Variants in ANKRD13C observed in about 807,000 individuals in gnomAD.
The protein encoded by ANKRD13C is ankyrin repeat domain-containing protein 13C.
Under a neutral mutation model 65.5 loss-of-function variants are expected in ANKRD13C, and 16 were observed. The observed-to-expected ratio is 0.24, with a 90% CI of 0.17 to 0.37. The LOEUF (loss-of-function observed/expected upper bound fraction) is 0.37, where lower values mean the gene tolerates loss of function less well. Among genes scored for constraint, ANKRD13C ranks in the 10% least tolerant of loss-of-function variants. The pLI is 1.00. For missense variants in ANKRD13C, 503 were observed against 655.9 expected, an observed-to-expected ratio of 0.77 and a Z score of 2.55; for synonymous variants, 235 against 238.7, an observed-to-expected ratio of 0.98 and a Z score of 0.14.
intron 7 of ANKRD13C, 24 bp downstream of exon 7, chr1:70,300,740 A>C (rs763391204): frequency 4.0e-5 from 62 of 1,551,586 alleles, no homozygotes; most frequent in Non-Finnish European, 5.1e-5. Context: ...ATTTAAAGGA[A>C]TATTGATAAG....
chr1:70,311,005 G>A (rs1680823755), intron 5 of ANKRD13C, among the ~76,000 whole-genome samples: 1 of 152,152 alleles, frequency 6.6e-6, no homozygotes, highest in South Asian at 2.1e-4. Context: ...CATTAATAGA[G>A]ACAAACTAGC....
chr1:70,338,947 C>T (rs538124529), intron 1 of ANKRD13C, among the ~76,000 whole-genome samples: 2 of 152,118 alleles, frequency 1.3e-5, no homozygotes, highest in East Asian at 3.9e-4. Context: ...CTTGGCCGGG[C>T]GCGGTGGCTC....
rs769734272 is a variant in ANKRD13C, at chr1:70,315,487, C to T, written c.657G>A (p.Leu219=). 2 of 1,598,592 alleles carry T rather than the reference C, an allele frequency of 1.3e-6. No individual in the cohort carries two copies. The highest frequency in any genetic ancestry group is 2.3e-5 in the South Asian group (2 of 87,780). ...EEKRPRLLKA[L]KELGDFYLEL... is the part of the protein sequence containing the mutation. ...ACAAAGAAATATAGCTTACCTCTTTCAGGGCTTTTAATAATCGAGGTCGTT... is the reference window on the plus strand; with the variant it reads ...ACAAAGAAATATAGCTTACCTCTTTTAGGGCTTTTAATAATCGAGGTCGTT... Residue 219 remains leucine, a synonymous_variant, in exon 4 of 13, where the codon CTG becomes CTA. Coordinates refer to ENST00000370944, the MANE Select transcript of ANKRD13C (RefSeq NM_030816.5).
At chr1:70,325,755 T>C (rs1681507469) in intron 2 of ANKRD13C, among the ~76,000 whole-genome samples, 1 of 152,050 alleles carries the variant, frequency 6.6e-6, no homozygotes, top group Admixed American at 6.6e-5. Context: ...GGTACGTGCC[T>C]GTAGTCCCAG....
At chr1:70,288,052 G>T (rs930239973) in intron 9 of ANKRD13C, among the ~76,000 whole-genome samples, 6 of 151,848 alleles carry the variant, frequency 4.0e-5, no homozygotes, top group South Asian at 4.2e-4. Context: ...CAACAGTAAT[G>T]AAAAAAAGAA....
rs973141817 is a variant in ANKRD13C at position 70,261,853 on chromosome 1, T to C, written c.*864A>G. 2 of 152,294 alleles carry C rather than the reference T, an allele frequency of 1.3e-5. No individual in the cohort carries two copies. Among genetic ancestry groups the C allele is most frequent in the Admixed American group, 6.6e-5 (1 of 15,246 alleles). 9.4% of individuals were successfully genotyped at this position (152,294 alleles called of 1,614,324 possible). A position where few individuals can be genotyped will look rare whatever the true frequency, so the allele number is the denominator to read the frequency against. ...CTTATTAGGAAGCAAGTTTAAAAATTTGGATTTTTTTTTAAAGTGCTGAGA... is the reference window on the plus strand; with the variant it reads ...CTTATTAGGAAGCAAGTTTAAAAATCTGGATTTTTTTTTAAAGTGCTGAGA... On this transcript the variant is annotated 3_prime_UTR_variant, in exon 13 of 13. Coordinates refer to ENST00000370944, the MANE Select transcript of ANKRD13C (RefSeq NM_030816.5).
At chr1:70,318,539 A>G (rs1381781705) in intron 3 of ANKRD13C, among the ~76,000 whole-genome samples, 1 of 152,162 alleles carries the variant, frequency 6.6e-6, no homozygotes. Flanking sequence ...TAAAGACCAT[A>G]CTGCTCTTGC....
At chr1:70,341,496 G>C (rs1682309636) in intron 1 of ANKRD13C, among the ~76,000 whole-genome samples, 1 of 151,722 alleles carries the variant, frequency 6.6e-6, no homozygotes. Flanking sequence ...CAAGTAGCTG[G>C]GATTACAGGC....
At chr1:70,318,859 T>G (rs1681184570) in intron 3 of ANKRD13C, among the ~76,000 whole-genome samples, 1 of 152,030 alleles carries the variant, frequency 6.6e-6, no homozygotes, top group Non-Finnish European at 1.5e-5. Context: ...ATTTTTGTAT[T>G]TTTAGTAGAA....
intron 12 of ANKRD13C, among the ~76,000 whole-genome samples, chr1:70,268,766 AGAG>A (rs1481822700): frequency 6.6e-6 from 1 of 152,208 alleles, no homozygotes; most frequent in Non-Finnish European, 1.5e-5. Context: ...GAGCAAAATG[AGAG>A]AAGAAGCCAA....
chr1:70,300,083 T>C (rs1015905129), intron 7 of ANKRD13C, among the ~76,000 whole-genome samples: 2 of 152,066 alleles, frequency 1.3e-5, no homozygotes, highest in African/African-American at 2.4e-5. Context: ...AGTATTCATA[T>C]TAAGGAGATA....
chr1:70,288,969 A>G (rs1373906467), intron 9 of ANKRD13C, among the ~76,000 whole-genome samples: 1 of 152,200 alleles, frequency 6.6e-6, no homozygotes, highest in Non-Finnish European at 1.5e-5. Flanking sequence ...TAAAAAGCTT[A>G]ATTTAAAAAA....
chr1:70,352,318 C>A (rs1208735761), intron 1 of ANKRD13C, among the ~76,000 whole-genome samples: 1 of 119,572 alleles, frequency 8.4e-6, no homozygotes, highest in East Asian at 2.5e-4. Flanking sequence ...CCAGCCTGGG[C>A]GACAGAGCAA....
At chr1:70,271,030 G>C (rs1256533103) in intron 11 of ANKRD13C, 74 bp from the exon 12 acceptor site, 1 of 875,090 alleles carries the variant, frequency 1.1e-6, no homozygotes, top group African/African-American at 1.7e-5. Flanking sequence ...TCAACTACAT[G>C]CTTCAAACCT....
intron 1 of ANKRD13C, among the ~76,000 whole-genome samples, chr1:70,342,890 C>T (rs1318577682): frequency 6.6e-6 from 1 of 152,060 alleles, no homozygotes; most frequent in Non-Finnish European, 1.5e-5. Context: ...AATGTTATAT[C>T]TATTCAACAA....
chr1:70,338,406 G>T (rs1412916128), intron 1 of ANKRD13C, among the ~76,000 whole-genome samples: 1 of 151,568 alleles, frequency 6.6e-6, no homozygotes, highest in Non-Finnish European at 1.5e-5. Flanking sequence ...AACAATTTTT[G>T]TGTGTGTGTG....
intron 2 of ANKRD13C, among the ~76,000 whole-genome samples, chr1:70,333,909 T>C (rs1057417957): frequency 1.1e-4 from 16 of 152,192 alleles, no homozygotes; most frequent in African/African-American, 1.7e-4. Context: ...ACATGTAGCC[T>C]TTTAATGAAT....
At position 70,259,116 on chromosome 1, in the gene ANKRD13C, C is replaced by G. The variant is rs193270509; in HGVS notation, c.*3601G>C. Among the ~76,000 whole-genome samples, 1 of 152,080 alleles carries G rather than the reference C, an allele frequency of 6.6e-6. No individual in the cohort carries two copies. Among genetic ancestry groups the G allele is most frequent in the South Asian group, 2.1e-4 (1 of 4,818 alleles). Reference sequence around the variant, plus strand: ...CAATGACAAAATCACCTGATGCATTCCACAGAACATGTACCCATCATTAAG... The same window carrying G: ...CAATGACAAAATCACCTGATGCATTGCACAGAACATGTACCCATCATTAAG... On this transcript the variant is annotated 3_prime_UTR_variant, in exon 13 of 13. Transcript: ENST00000370944.
intron 1 of ANKRD13C, among the ~76,000 whole-genome samples, chr1:70,339,167 G>A (rs1169820714): frequency 1.3e-5 from 2 of 150,846 alleles, no homozygotes; most frequent in South Asian, 4.2e-4. Flanking sequence ...CCGAGATGGC[G>A]GCATTGCACT....
Sources: allele counts gnomAD v4.1 joint callset (sites outside exome capture counted in the v4.1 genomes callset), GRCh38; gene constraint gnomAD v4.1.1; transcripts MANE v1.5; gene names NCBI Gene and HGNC (gene_info 2026-07-23, HGNC 2026-07-21).